The following CAPN8 variants were observed in gnomAD, a reference collection of about 807,000 sequenced individuals.
CAPN8 encodes calpain 8.
In CAPN8, 87 loss-of-function variants were observed where a neutral mutation model predicts 80.9. That is an observed-to-expected ratio of 1.07 (90% CI 0.90 to 1.28). CAPN8 has a LOEUF of 1.28. Ranked by LOEUF, CAPN8 falls within the 50% of genes most tolerant of loss-of-function variation. The pLI, the probability that CAPN8 is intolerant of heterozygous loss-of-function variation, is 0.00. For synonymous variants in CAPN8, 299 were observed against 273.8 expected, an observed-to-expected ratio of 1.09 and a Z score of -0.91; for missense variants, 757 against 702.0, an observed-to-expected ratio of 1.08 and a Z score of -0.89.
chr1:223,635,531 A>C (rs1657893988), intron 2 of CAPN8, among the ~76,000 whole-genome samples: 1 of 152,278 alleles, frequency 6.6e-6, no homozygotes, highest in African/African-American at 2.4e-5. Flanking sequence ...TGGTTCTCAC[A>C]GACCCCAGCA....
At chr1:223,625,410 G>A (rs937500116) in intron 6 of CAPN8, among the ~76,000 whole-genome samples, 13 of 152,208 alleles carry the variant, frequency 8.5e-5, no homozygotes, top group African/African-American at 2.9e-4. Flanking sequence ...CCATCTTCAA[G>A]TGAGTAAGAG....
chr1:223,609,871 A>G (rs1367153987), intron 11 of CAPN8, among the ~76,000 whole-genome samples: 3 of 152,276 alleles, frequency 2.0e-5, no homozygotes, highest in South Asian at 2.1e-4. Context: ...TCAGTCTGGG[A>G]ACCCAGGGAG....
At chr1:223,543,220 A>T (rs1656518438) in intron 19 of CAPN8, 54 bp from the exon 20 acceptor site, 1 of 1,543,950 alleles carries the variant, frequency 6.5e-7, no homozygotes, top group Non-Finnish European at 8.8e-7. Context: ...TGGACTTTGG[A>T]ACAATCAGAG....
At chr1:223,631,065 TC>T (rs1319617848) in intron 2 of CAPN8, among the ~76,000 whole-genome samples, 1 of 152,146 alleles carries the variant, frequency 6.6e-6, no homozygotes, top group Non-Finnish European at 1.5e-5. Flanking sequence ...CCAGTCTTTT[TC>T]CTATTACACT....
rs1255894068 is a variant in CAPN8 at position 223,544,842 on chromosome 1, A to G, written c.1842T>C (p.Tyr614=). The change falls in exon 18 of 21, where the codon TAT becomes TAC. Residue 614 remains tyrosine (Y), a synonymous_variant. Coordinates refer to ENST00000366872, the MANE Select transcript of CAPN8 (RefSeq NM_001143962.2). The stretch of plus-strand genomic sequence containing the variant: ...CCGAGTGGTTATAATCAGTTTCCCA[A>G]TAGATCTCCTAAAGCAGGAAAGAAA... ...WLKIQKYLEI[Y]WETDYNHSGT... is the part of the protein sequence containing the mutation. 33 of 1,551,530 alleles carry G rather than the reference A, an allele frequency of 2.1e-5. No individual in the cohort carries two copies. The East Asian group carries it at 7.1e-4, about 33-fold the overall frequency.
Position 223,627,162 on chromosome 1 carries a change from T to C in CAPN8, c.561-5A>G. 2 of 1,551,980 alleles carry C rather than the reference T, an allele frequency of 1.3e-6. No individual in the cohort carries two copies. Among genetic ancestry groups the C allele is most frequent in the Non-Finnish European group, 1.7e-6 (2 of 1,146,942 alleles). ...GCCTCATAACAACCATTAAGCCTAT[T>C]GGAAAAGAAAGAACACATGCTCCAT... On this transcript the variant is annotated splice_polypyrimidine_tract_variant and splice_region_variant and intron_variant, in intron 4 of 20. Coordinates refer to ENST00000366872, the MANE Select transcript of CAPN8 (RefSeq NM_001143962.2).
intron 2 of CAPN8, chr1:223,642,561 A>G: frequency 3.1e-6 from 1 of 327,694 alleles, no homozygotes; most frequent in East Asian, 8.5e-5. Context: ...ATTCTGGGCC[A>G]GGGGGGTCTT....
rs1656514059 is a variant in CAPN8, at chr1:223,543,124, T to C, written c.2072A>G (p.Gln691Arg). 2 of 1,551,582 alleles carry C rather than the reference T, an allele frequency of 1.3e-6. No individual in the cohort carries two copies. Among genetic ancestry groups the C allele is most frequent in the African/African-American group, 2.7e-5 (2 of 73,050 alleles). ...GACATTCACCTCGGCCAGAGAGAGC[T>C]GAACCATGCCATCCTTGTCTTCGTC... ...LLDEDKDGMV[Q>R]LSLAEWLCCV... The change falls in exon 20 of 21, where the codon CAG becomes CGG. Residue 691 changes from glutamine to arginine, a missense_variant. Coordinates refer to ENST00000366872, the MANE Select transcript of CAPN8 (RefSeq NM_001143962.2).
At chr1:223,651,069 T>A (rs1175614870) in intron 2 of CAPN8, among the ~76,000 whole-genome samples, 5 of 152,066 alleles carry the variant, frequency 3.3e-5, no homozygotes, top group African/African-American at 9.7e-5. Flanking sequence ...ACTTATTCCA[T>A]CACCACATGG....
intron 9 of CAPN8, among the ~76,000 whole-genome samples, 197 bp downstream of exon 9, chr1:223,619,096 A>G (rs1158444773): frequency 6.6e-6 from 1 of 152,182 alleles, no homozygotes; most frequent in Non-Finnish European, 1.5e-5. Flanking sequence ...AAGAAGGCTG[A>G]GGTGAGAGGA....
chr1:223,545,637 G>A (rs1412677867), intron 16 of CAPN8, among the ~76,000 whole-genome samples: 1 of 152,080 alleles, frequency 6.6e-6, no homozygotes, highest in Non-Finnish European at 1.5e-5. Context: ...TTACATTTCT[G>A]TGATTGATCA....
intron 16 of CAPN8, among the ~76,000 whole-genome samples, chr1:223,548,179 C>T (rs899053279): frequency 4.6e-5 from 7 of 152,150 alleles, no homozygotes; most frequent in Admixed American, 2.0e-4. Context: ...AGACAGAGCT[C>T]ATCATGGATG....
intron 2 of CAPN8, among the ~76,000 whole-genome samples, chr1:223,649,874 G>A (rs1658299948): frequency 6.6e-6 from 1 of 152,154 alleles, no homozygotes; most frequent in African/African-American, 2.4e-5. Flanking sequence ...CACACAGTCA[G>A]GACTCCCAGA....
chr1:223,549,449 C>T (rs534914313), intron 15 of CAPN8, 67 bp from the exon 16 acceptor site: 169 of 1,547,238 alleles, frequency 1.1e-4, no homozygotes, highest in South Asian at 1.4e-4. Context: ...AGAACCTCCA[C>T]GGTAGAAGAC....
At chr1:223,631,935 T>C (rs1350400698) in intron 2 of CAPN8, among the ~76,000 whole-genome samples, 4 of 152,152 alleles carry the variant, frequency 2.6e-5, no homozygotes, top group Admixed American at 1.3e-4. Context: ...TGCCTTCCGA[T>C]GTGAAGGTTC....
chr1:223,654,441 A>G (rs1658424772), intron 1 of CAPN8, 42 bp from the exon 2 acceptor site: 1 of 1,521,224 alleles, frequency 6.6e-7, no homozygotes. Context: ...CAAGGTGCTC[A>G]GTGATGGCAG....
At chr1:223,549,251 G>C in intron 16 of CAPN8, 67 bp downstream of exon 16, 2 of 1,529,074 alleles carry the variant, frequency 1.3e-6, no homozygotes, top group Non-Finnish European at 1.8e-6. Flanking sequence ...AACTGGAAAA[G>C]GTGGAGGAGT....
At chr1:223,548,916 G>C (rs1656705684) in intron 16 of CAPN8, among the ~76,000 whole-genome samples, 1 of 150,474 alleles carries the variant, frequency 6.6e-6, no homozygotes, top group Admixed American at 6.6e-5. Flanking sequence ...GATGGGGAGA[G>C]CTTGGGAAGC....
Position 223,619,374 on chromosome 1 carries a change from C to G in CAPN8, c.1054G>C (p.Glu352Gln). 6.4e-7 allele frequency: 1 copy of G among 1,551,690 alleles called. No individual in the cohort carries two copies. Among genetic ancestry groups the G allele is most frequent in the South Asian group, 1.2e-5 (1 of 84,058 alleles). ...AGGACCAGGTTCCATTTGTGCACCT[C>G]CTCGCTACTCAGAGAGTCCGGGGAC... ...NLSPDSLSSE[E>Q]VHKWNLVLFN... The change falls in exon 9 of 21, where the codon GAG becomes CAG. Residue 352 changes from glutamate (E) to glutamine (Q), a missense_variant. Physicochemically the swap from Glu to Gln is conservative, Grantham distance 29. Transcript: ENST00000366872.
Sources: gnomAD v4.1 joint callset for allele counts (sites outside exome capture counted in the v4.1 genomes callset) on GRCh38, gnomAD v4.1.1 for gene constraint, MANE v1.5 for transcripts, NCBI Gene and HGNC (gene_info 2026-07-23, HGNC 2026-07-21) for gene names.